Variants in CACNG5 observed in about 807,000 individuals in gnomAD.
The protein encoded by CACNG5 is voltage-dependent calcium channel gamma-5 subunit.
In CACNG5, 18 loss-of-function variants were observed where a neutral mutation model predicts 24.8. The observed-to-expected ratio is 0.73, with a 90% CI of 0.50 to 1.08. The LOEUF is 1.08. CACNG5 is among the 50% of genes least tolerant of loss of function. CACNG5 has a pLI of 0.00. For missense variants in CACNG5, 349 were observed against 367.9 expected (o/e 0.95, Z 0.42); for synonymous variants, 157 against 149.1 (o/e 1.05, Z -0.39).
At position 66,877,597 on chromosome 17, in the gene CACNG5, G is replaced by A. The variant is rs1598060951; in HGVS notation, c.196+69G>A. On this transcript the variant is annotated intron_variant, in intron 2 of 5. Coordinates refer to ENST00000533854, the MANE Select transcript of CACNG5 (RefSeq NM_145811.3). ...ACCTGCCCCAAGAGGTCCCTCCCTG[G>A]GAAGAGATGGCCAAGAGATGCTGGA... is the stretch of plus-strand genomic sequence containing the variant. The A allele has an allele frequency of 4.5e-6, 6 of 1,334,086 alleles. No individual in the cohort carries two copies. In the East Asian group the frequency reaches 9.4e-5, roughly 21 times the overall value. The allele number at this position is 1,334,086 out of a possible 1,614,324, so 82.6% of individuals were successfully genotyped here.
At chr17:66,847,852 G>A (rs889202564) in intron 1 of CACNG5, among the ~76,000 whole-genome samples, 1 of 152,198 alleles carries the variant, frequency 6.6e-6, no homozygotes, top group African/African-American at 2.4e-5. Flanking sequence ...CTCTGCAGAA[G>A]GAGCATACCA....
chr17:66,849,054 C>G (rs1201939146), intron 1 of CACNG5, among the ~76,000 whole-genome samples: 1 of 152,146 alleles, frequency 6.6e-6, no homozygotes, highest in Non-Finnish European at 1.5e-5. Flanking sequence ...CCATGGCTGC[C>G]CATTAAGGGA....
intron 1 of CACNG5, among the ~76,000 whole-genome samples, chr17:66,849,046 A>G (rs940245948): frequency 6.6e-6 from 1 of 152,200 alleles, no homozygotes; most frequent in African/African-American, 2.4e-5. Context: ...CCGGGAGGCC[A>G]TGGCTGCCCA....
Position 66,885,025 on chromosome 17 carries a change from A to G in CACNG5, c.613A>G (p.Thr205Ala). The G allele has an allele frequency of 6.2e-7, 1 of 1,614,054 alleles. No homozygotes were observed. Among genetic ancestry groups the G allele is most frequent in the Non-Finnish European group, 8.5e-7 (1 of 1,179,982 alleles). Residue 205 changes from threonine to alanine, a missense_variant, in exon 6 of 6, where the codon ACC (threonine) becomes GCC (alanine). By Grantham distance (58) the Thr-to-Ala change is moderately conservative (BLOSUM62 0). Transcript: ENST00000533854. ...TGTGTACCTGTTTATGAAGCGGTAC[A>G]CCGCGGAGGACATGTACAGGCCCCA... ...MSVYLFMKRY[T>A]AEDMYRPHPG...
chr17:66,855,858 A>G (rs1976769068), intron 1 of CACNG5, among the ~76,000 whole-genome samples: 1 of 152,248 alleles, frequency 6.6e-6, no homozygotes, highest in African/African-American at 2.4e-5. Flanking sequence ...AGACACATTC[A>G]TCCACAATCC....
chr17:66,846,728 T>A (rs1976642156), intron 1 of CACNG5, among the ~76,000 whole-genome samples: 1 of 152,220 alleles, frequency 6.6e-6, no homozygotes, highest in Admixed American at 6.5e-5. Context: ...GTGATGAACA[T>A]TCATGTACAA....
chr17:66,854,721 A>C (rs1976749027), intron 1 of CACNG5, among the ~76,000 whole-genome samples: 1 of 152,136 alleles, frequency 6.6e-6, no homozygotes, highest in Non-Finnish European at 1.5e-5. Context: ...AAAGAAAAGA[A>C]AAACTGTAGA....
At chr17:66,865,313 A>G (rs2143084118) in intron 1 of CACNG5, among the ~76,000 whole-genome samples, 1 of 146,736 alleles carries the variant, frequency 6.8e-6, no homozygotes, top group African/African-American at 2.5e-5. Context: ...GCATATGTTT[A>G]CAGTGTTGCA....
chr17:66,885,966 A>C lies in CACNG5; in HGVS notation c.*726A>C, dbSNP rs924263067. Among the ~76,000 whole-genome samples the C allele has an allele frequency of 3.9e-5, 6 of 152,256 alleles. No homozygotes were observed. The highest frequency in any genetic ancestry group is 1.4e-4 in the African/African-American group (6 of 41,470). ...GTCACAAAGAGGTGTTAATGGCTGA[A>C]GACATCCTAATATGTATGGCCCTTT... On this transcript the variant is annotated 3_prime_UTR_variant, in exon 6 of 6. Transcript: ENST00000533854.
chr17:66,865,963 A>C (rs1167035168), intron 1 of CACNG5, among the ~76,000 whole-genome samples: 2 of 152,126 alleles, frequency 1.3e-5, no homozygotes, highest in Non-Finnish European at 2.9e-5. Flanking sequence ...ATTTCTAAGA[A>C]TGCTAAAACA....
chr17:66,870,593 G>C (rs1026882249), intron 1 of CACNG5, among the ~76,000 whole-genome samples: 1 of 152,208 alleles, frequency 6.6e-6, no homozygotes, highest in African/African-American at 2.4e-5. Context: ...TGGTCCCAGG[G>C]TGTCAGGTTT....
chr17:66,868,486 C>T (rs1020971889), intron 1 of CACNG5, among the ~76,000 whole-genome samples: 1 of 152,170 alleles, frequency 6.6e-6, no homozygotes, highest in African/African-American at 2.4e-5. Flanking sequence ...CTCCAAAGGG[C>T]CTCAACAATG....
At chr17:66,854,686 C>A (rs368419045) in intron 1 of CACNG5, among the ~76,000 whole-genome samples, 15 of 152,134 alleles carry the variant, frequency 9.9e-5, no homozygotes, top group African/African-American at 3.1e-4. Flanking sequence ...AAGAGCAAGA[C>A]TCTGTCTCAA....
intron 1 of CACNG5, among the ~76,000 whole-genome samples, chr17:66,844,723 T>C (rs1976613320): frequency 1.3e-5 from 2 of 152,328 alleles, no homozygotes; most frequent in African/African-American, 2.4e-5. Flanking sequence ...TTTCCCATAC[T>C]GAGTGCTCTA....
rs991649106 is a variant in CACNG5, at chr17:66,882,660, G to A, written c.425-1856G>A. 5.3e-5 allele frequency among the ~76,000 whole-genome samples: 8 copies of A among 152,046 alleles called. 1 individual carries two copies. The highest frequency in any genetic ancestry group is 7.2e-5 in the African/African-American group (3 of 41,396). On this transcript the variant is annotated intron_variant, in intron 4 of 5. Transcript: ENST00000533854. ...TCGGGGCATGTAATTTAGGTGCCCC[G>A]GATGACTGACTGGTTAGGGATCCTG...
Position 66,877,370 on chromosome 17 carries a change from GCA to G in CACNG5, c.39_40del (p.Ser13ArgfsTer54). The G allele has an allele frequency of 6.2e-7, 1 of 1,614,176 alleles. No individual in the cohort carries two copies. The highest frequency in any genetic ancestry group is 1.1e-5 in the South Asian group (1 of 91,084). ...GGGAGGAAGGCCCTGACCCTGCTGA[GCA>G]GTGTCTTTGCTGTCTGTGGCTTGGG... On this transcript the variant is annotated frameshift_variant, in exon 2 of 6. Coordinates refer to ENST00000533854, the MANE Select transcript of CACNG5 (RefSeq NM_145811.3). LOFTEE classifies it high-confidence loss of function.
intron 1 of CACNG5, among the ~76,000 whole-genome samples, chr17:66,851,689 A>G (rs1976710680): frequency 6.6e-6 from 1 of 152,228 alleles, no homozygotes; most frequent in Non-Finnish European, 1.5e-5. Flanking sequence ...CTGAGGAAAT[A>G]CCGGAAAGGG....
chr17:66,876,219 A>G lies in CACNG5; in HGVS notation c.-103-1011A>G, dbSNP rs1379505520. Among the ~76,000 whole-genome samples the G allele has an allele frequency of 2.0e-5, 3 of 152,242 alleles. No individual in the cohort carries two copies. The South Asian group carries it at 6.2e-4, about 32-fold the overall frequency. ...TGGCTACACATTAGAATCACCTGGC[A>G]GAATTTAAAAAATACCATTGTCCAG... On this transcript the variant is annotated intron_variant, in intron 1 of 5. Coordinates refer to ENST00000533854, the MANE Select transcript of CACNG5 (RefSeq NM_145811.3).
In CACNG5 at chr17:66,894,668, A is replaced by G. The variant is rs779748384; in HGVS notation, c.*9428A>G. On this transcript the variant is annotated 3_prime_UTR_variant, in exon 6 of 6. Transcript: ENST00000533854. ...AACCATTCAGATGTGTTTAATATAT[A>G]TATTTTTGTTTCTATGTGCTCCTTA... Among the ~76,000 whole-genome samples the G allele has an allele frequency of 6.6e-6, 1 of 151,880 alleles. No individual in the cohort carries two copies. The highest frequency in any genetic ancestry group is 1.5e-5 in the Non-Finnish European group (1 of 67,954).
Sources: gnomAD v4.1 joint callset for allele counts (sites outside exome capture counted in the v4.1 genomes callset) on GRCh38, gnomAD v4.1.1 for gene constraint, MANE v1.5 for transcripts, NCBI Gene and HGNC (gene_info 2026-07-23, HGNC 2026-07-21) for gene names.